Variants in RAD9A observed in about 807,000 individuals in gnomAD.
The protein encoded by RAD9A is RAD9 checkpoint clamp component A.
A neutral mutation model predicts 41.2 loss-of-function variants in RAD9A; 25 were observed. The ratio of observed to expected loss-of-function variants is 0.61; its 90% CI spans 0.44 to 0.85. The LOEUF (loss-of-function observed/expected upper bound fraction) is 0.85. Among genes scored for constraint, RAD9A ranks in the 40% least tolerant of loss-of-function variants. RAD9A has a pLI of 0.00. For synonymous variants in RAD9A, 252 were observed against 210.6 expected, an observed-to-expected ratio of 1.20 and a Z score of -1.70; for missense variants, 514 against 518.3, an observed-to-expected ratio of 0.99 and a Z score of 0.08.
In RAD9A at chr11:67,396,170, A is replaced by G; in HGVS notation, c.729A>G (p.Pro243=). 6.2e-7 allele frequency: 1 copy of G among 1,613,946 alleles called. No homozygotes were observed. Among genetic ancestry groups the G allele is most frequent in the Non-Finnish European group, 8.5e-7 (1 of 1,179,818 alleles). Residue 243 remains proline (P), a synonymous_variant, in exon 8 of 11, where the codon CCA becomes CCG. Coordinates refer to ENST00000307980, the MANE Select transcript of RAD9A (RefSeq NM_004584.3). ...NLNLSIHFDA[P]GRPAIFTIKD... is the part of the protein sequence containing the mutation. The stretch of plus-strand genomic sequence containing the variant: ...ATCTTAGCATTCATTTTGATGCTCC[A>G]GGCAGGTAGTTCCCAGCCTTGGGAC...
In RAD9A at chr11:67,397,135, C is replaced by T. The variant is rs367934944; in HGVS notation, c.873-44C>T. The T allele has an allele frequency of 5.5e-5, 82 of 1,494,846 alleles. No homozygotes were observed. In the African/African-American group the frequency reaches 1.1e-3, roughly 20 times the overall value. The allele number at this position is 1,494,846 out of a possible 1,614,324, so 92.6% of individuals were successfully genotyped here. A position where few individuals can be genotyped will look rare whatever the true frequency, so the allele number is the denominator to read the frequency against. Reference sequence around the variant, plus strand: ...AGCCCTCCAAGGTGGGGCCCTGCCTCTGCTCCCCCAGTCCCCTCCCTGATA... The same window carrying T: ...AGCCCTCCAAGGTGGGGCCCTGCCTTTGCTCCCCCAGTCCCCTCCCTGATA... On this transcript the variant is annotated intron_variant, in intron 9 of 10. Coordinates refer to ENST00000307980, the MANE Select transcript of RAD9A (RefSeq NM_004584.3).
rs183696439 is a variant in RAD9A at position 67,396,503 on chromosome 11, C to T, written c.872+103C>T. 3.6e-4 allele frequency: 509 copies of T among 1,402,974 alleles called. 1 individual carries two copies. In the East Asian group the frequency reaches 5.6e-3, roughly 15 times the overall value. The allele number at this position is 1,402,974 out of a possible 1,614,324, so 86.9% of individuals were successfully genotyped here. ...CACCTCCCCGCAATGTGTTCTCTCC[C>T]GCCCCTTCTCTTTCTATCAGGCCCC... is the stretch of plus-strand genomic sequence containing the variant. On this transcript the variant is annotated intron_variant, in intron 9 of 10. Coordinates refer to ENST00000307980, the MANE Select transcript of RAD9A (RefSeq NM_004584.3).
rs766319720 is a variant in RAD9A at position 67,393,580 on chromosome 11, C to T, written c.319C>T (p.Arg107Cys). The T allele has an allele frequency of 8.1e-6, 13 of 1,614,198 alleles. No individual in the cohort carries two copies. The highest frequency in any genetic ancestry group is 2.2e-5 in the East Asian group (1 of 44,876). ...CATCTCCCTGAATGGCCGGAGCAGCCGCCTGGTGGTCCAGCTGCATTGCAA... is the reference window on the plus strand; with the variant it reads ...CATCTCCCTGAATGGCCGGAGCAGCTGCCTGGTGGTCCAGCTGCATTGCAA... ...CCISLNGRSS[R>C]LVVQLHCKFG... The change falls in exon 4 of 11, where the codon CGC (arginine) becomes TGC (cysteine). Residue 107 changes from arginine to cysteine, a missense_variant. Arg to Cys is a radical substitution (Grantham distance 180, BLOSUM62 -3). Transcript: ENST00000307980.
At position 67,397,253 on chromosome 11, in the gene RAD9A, A is replaced by G; in HGVS notation, c.947A>G (p.Asn316Ser). 1 of 1,613,140 alleles carries G rather than the reference A, an allele frequency of 6.2e-7. No homozygotes were observed. The change falls in exon 10 of 11, where the codon AAT (asparagine) becomes AGT (serine). Residue 316 changes from asparagine (N) to serine (S), a missense_variant. Physicochemically the swap from Asn to Ser is conservative, Grantham distance 46. Around this residue, in one of 3 missense-constraint regions of RAD9A, gnomAD observed 216 missense variants for 184.2 expected, o/e 1.17. Transcript: ENST00000307980. The part of the protein sequence containing the change: ...YMIAMETTIG[N>S]EGSRVLPSIS... ...ATCGCCATGGAAACCACTATAGGCAATGAGGGCTCGCGGGTGCTGCCCTCC... is the reference window on the plus strand; with the variant it reads ...ATCGCCATGGAAACCACTATAGGCAGTGAGGGCTCGCGGGTGCTGCCCTCC...
In RAD9A at chr11:67,392,086, C is replaced by T; in HGVS notation, c.34+8C>T. On this transcript the variant is annotated splice_region_variant and intron_variant, in intron 1 of 10. Transcript: ENST00000307980. ...CGGGCGGCAACGTGAAGGGTGAGTGCAGGTCGGCCTGGCAGCGGCGGTGCA... is the reference window on the plus strand; with the variant it reads ...CGGGCGGCAACGTGAAGGGTGAGTGTAGGTCGGCCTGGCAGCGGCGGTGCA... 1.9e-6 allele frequency: 3 copies of T among 1,598,096 alleles called. No individual in the cohort carries two copies. The highest frequency in any genetic ancestry group is 2.6e-6 in the Non-Finnish European group (3 of 1,173,788).
At position 67,392,623 on chromosome 11, in the gene RAD9A, C is replaced by T. The variant is rs779927999; in HGVS notation, c.106-31C>T. 31 of 1,611,842 alleles carry T rather than the reference C, an allele frequency of 1.9e-5. No individual in the cohort carries two copies. The East Asian group carries it at 6.9e-4, about 36-fold the overall frequency. On this transcript the variant is annotated intron_variant, in intron 2 of 10. Coordinates refer to ENST00000307980, the MANE Select transcript of RAD9A (RefSeq NM_004584.3). ...GCTGGGTCTGTGGCTGCCCCCTGAC[C>T]ACGTCCCTCTCCCTGCTCTTCGTGG...
intron 3 of RAD9A, chr11:67,393,083 C>T (rs1443706521): frequency 1.8e-5 from 7 of 393,152 alleles, no homozygotes; most frequent in African/African-American, 1.2e-4. Flanking sequence ...AGTTCGAGAC[C>T]AGCCTGGCCA....
Position 67,397,763 on chromosome 11 carries a change from C to A in RAD9A, c.*204C>A, listed in dbSNP as rs1862758884. On this transcript the variant is annotated 3_prime_UTR_variant, in exon 11 of 11. Coordinates refer to ENST00000307980, the MANE Select transcript of RAD9A (RefSeq NM_004584.3). Reference sequence around the variant, plus strand: ...GCCTGGGCCGTTATCTCCCCACAACCCCCAGCCAATCAGGACTTTCCAGAC... The same window carrying A: ...GCCTGGGCCGTTATCTCCCCACAACACCCAGCCAATCAGGACTTTCCAGAC... The A allele has an allele frequency of 3.4e-6, 2 of 580,542 alleles. No individual in the cohort carries two copies. Among genetic ancestry groups the A allele is most frequent in the African/African-American group, 1.9e-5 (1 of 53,314 alleles). 36.0% of individuals were successfully genotyped at this position (580,542 alleles called of 1,614,324 possible). A position where few individuals can be genotyped will look rare whatever the true frequency, so the allele number is the denominator to read the frequency against.
chr11:67,395,463 T>A (rs990541027), intron 5 of RAD9A, among the ~76,000 whole-genome samples: 5 of 152,150 alleles, frequency 3.3e-5, no homozygotes, highest in Non-Finnish European at 7.4e-5. Flanking sequence ...AAGGCCGGGT[T>A]TGTAGGGTGG....
Position 67,396,152 on chromosome 11 carries a change from C to T in RAD9A, c.711C>T (p.Ser237=). ...SFAESANLNL[S]IHFDAPGRPA... is the part of the protein sequence containing the mutation. The stretch of plus-strand genomic sequence containing the variant: ...CAGAGTCAGCAAACTTGAATCTTAG[C>T]ATTCATTTTGATGCTCCAGGCAGGT... Residue 237 remains serine, a synonymous_variant, in exon 8 of 11, where the codon AGC becomes AGT. Transcript: ENST00000307980. 3.1e-6 allele frequency: 5 copies of T among 1,614,016 alleles called. No individual in the cohort carries two copies. The highest frequency in any genetic ancestry group is 3.4e-6 in the Non-Finnish European group (4 of 1,179,862).
At position 67,397,211 on chromosome 11, in the gene RAD9A, A is replaced by G; in HGVS notation, c.905A>G (p.Asp302Gly). 6.2e-7 allele frequency: 1 copy of G among 1,613,828 alleles called. No individual in the cohort carries two copies. Among genetic ancestry groups the G allele is most frequent in the Non-Finnish European group, 8.5e-7 (1 of 1,179,868 alleles). ...CACCCGGACGACTTTGCCAATGACG[A>G]CATTGACTCTTACATGATCGCCATG... ...TPHPDDFANDDIDSYMIAMET... is the reference protein window; with the variant it reads ...TPHPDDFANDGIDSYMIAMET... Residue 302 changes from aspartate (D) to glycine (G), a missense_variant, in exon 10 of 11, where the codon GAC (aspartate) becomes GGC (glycine). By Grantham distance (94) the Asp-to-Gly change is moderately conservative. Coordinates refer to ENST00000307980, the MANE Select transcript of RAD9A (RefSeq NM_004584.3).
intron 5 of RAD9A, 76 bp from the exon 6 acceptor site, chr11:67,395,640 C>G: frequency 8.7e-7 from 1 of 1,153,668 alleles, no homozygotes; most frequent in Non-Finnish European, 1.3e-6. Context: ...CATGTGTCAC[C>G]CCCACCTCAG....
At chr11:67,394,727 G>GC (rs1399457135) in intron 5 of RAD9A, among the ~76,000 whole-genome samples, 1 of 151,444 alleles carries the variant, frequency 6.6e-6, no homozygotes, top group African/African-American at 2.4e-5. Flanking sequence ...TGATTCTCCT[G>GC]CCTCAGCCTC....
rs1021935100 is a variant in RAD9A at position 67,393,743 on chromosome 11, C to T, written c.402C>T (p.Ala134=). The T allele has an allele frequency of 7.4e-6, 12 of 1,612,932 alleles. No individual in the cohort carries two copies. The highest frequency in any genetic ancestry group is 1.7e-5 in the Admixed American group (1 of 59,972). The part of the protein sequence containing the change: ...LSFQDCESLQ[A]VFDPASCPHM... ...TCCAGGACTGTGAGTCCCTGCAGGC[C>T]GTCTTCGACCCAGCCTCGTGCCCCC... The change falls in exon 5 of 11, where the codon GCC becomes GCT. Residue 134 remains alanine, a synonymous_variant. Coordinates refer to ENST00000307980, the MANE Select transcript of RAD9A (RefSeq NM_004584.3).
At chr11:67,393,297 A>G (rs906430915) in intron 3 of RAD9A, 199 bp from the exon 4 acceptor site, 139 of 1,286,416 alleles carry the variant, frequency 1.1e-4, no homozygotes, top group Non-Finnish European at 1.3e-4. Context: ...AAAAAAAAAA[A>G]GGTAAGCAGG....
chr11:67,397,313 G>C lies in RAD9A; in HGVS notation c.1007G>C (p.Ser336Thr). 1 of 1,584,758 alleles carries C rather than the reference G, an allele frequency of 6.3e-7. No individual in the cohort carries two copies. Residue 336 changes from serine to threonine, a missense_variant, in exon 10 of 11, where the codon AGC becomes ACC. Ser to Thr is a moderately conservative substitution (Grantham distance 58). Around this residue, in one of 3 missense-constraint regions of RAD9A, gnomAD observed 216 missense variants for 184.2 expected, o/e 1.17. Coordinates refer to ENST00000307980, the MANE Select transcript of RAD9A (RefSeq NM_004584.3). ...SLSPGPQPPK[S>T]PGPHSEEEDE... ...TCACCTGGCCCCCAGCCCCCCAAGA[G>C]CCCCGGTCCCCACTCCGAGGAGGAA...
chr11:67,397,079 C>G (rs1862726055), intron 9 of RAD9A, 100 bp from the exon 10 acceptor site: 1 of 800,194 alleles, frequency 1.2e-6, no homozygotes, highest in African/African-American at 1.7e-5. Context: ...CAAGAGATCT[C>G]CAGTGGTCGG....
At position 67,398,362 on chromosome 11, in the gene RAD9A, G is replaced by A. The variant is rs913042761; in HGVS notation, c.*803G>A. ...GCAGGTGCAGGCAGGAAGCAGCCCTGGGGGACTGGACGCTGCTATTGATTC... is the reference window on the plus strand; with the variant it reads ...GCAGGTGCAGGCAGGAAGCAGCCCTAGGGGACTGGACGCTGCTATTGATTC... On this transcript the variant is annotated 3_prime_UTR_variant, in exon 11 of 11. Transcript: ENST00000307980. 2.9e-6 allele frequency: 2 copies of A among 678,914 alleles called. No homozygotes were observed. The highest frequency in any genetic ancestry group is 4.9e-6 in the Non-Finnish European group (2 of 411,998). 42.1% of individuals were successfully genotyped at this position (678,914 alleles called of 1,614,324 possible). A position where few individuals can be genotyped will look rare whatever the true frequency, so the allele number is the denominator to read the frequency against.
intron 5 of RAD9A, among the ~76,000 whole-genome samples, chr11:67,394,360 G>A (rs1257081671): frequency 1.3e-5 from 2 of 152,212 alleles, no homozygotes; most frequent in African/African-American, 2.4e-5. Context: ...GGGGCTGTCT[G>A]GGGCCAGGGA....
Sources: allele counts gnomAD v4.1 joint callset (sites outside exome capture counted in the v4.1 genomes callset), GRCh38; gene constraint gnomAD v4.1.1; regional missense constraint gnomAD v4.1.1; transcripts MANE v1.5; gene names NCBI Gene and HGNC (gene_info 2026-07-23, HGNC 2026-07-21).